CROT: variants seen among roughly 807,000 people sequenced by gnomAD.
The protein encoded by CROT is peroxisomal carnitine O-octanoyltransferase.
Under a neutral mutation model 89.2 loss-of-function variants are expected in CROT, and 84 were observed. That is an observed-to-expected ratio of 0.94 (90% CI 0.79 to 1.13). The LOEUF is 1.13. Ranked by LOEUF, CROT falls within the 50% of genes most tolerant of loss-of-function variation. The probability of loss-of-function intolerance (pLI) is 0.00; values close to 1 mark genes in which losing one functional copy is unlikely to be tolerated. For missense variants in CROT, 711 were observed against 727.8 expected, an observed-to-expected ratio of 0.98 and a Z score of 0.27; for synonymous variants, 212 against 239.5, an observed-to-expected ratio of 0.89 and a Z score of 1.06.
In CROT at chr7:87,375,559, A is replaced by G. The variant is rs1806782454; in HGVS notation, c.657-73A>G. ...AAACATTTAAATATTGATCAATGTTATGACCTTTTAAAGGCCAAAGTAGTT... is the reference window on the plus strand; with the variant it reads ...AAACATTTAAATATTGATCAATGTTGTGACCTTTTAAAGGCCAAAGTAGTT... On this transcript the variant is annotated intron_variant, in intron 7 of 17. Transcript: ENST00000331536. 3 of 1,015,472 alleles carry G rather than the reference A, an allele frequency of 3.0e-6. No individual in the cohort carries two copies. The Admixed American group carries it at 5.6e-5, about 19-fold the overall frequency. The allele number at this position is 1,015,472 out of a possible 1,614,324, so 62.9% of individuals were successfully genotyped here. A position where few individuals can be genotyped will look rare whatever the true frequency, so the allele number is the denominator to read the frequency against.
At chr7:87,369,974 T>C (rs1806579671) in intron 7 of CROT, among the ~76,000 whole-genome samples, 3 of 151,002 alleles carry the variant, frequency 2.0e-5, no homozygotes, top group African/African-American at 7.3e-5. Context: ...ACTTCAACAG[T>C]TACCAACTCC....
intron 3 of CROT, among the ~76,000 whole-genome samples, chr7:87,357,952 A>G (rs1806137102): frequency 1.3e-5 from 2 of 152,290 alleles, no homozygotes; most frequent in South Asian, 4.1e-4. Context: ...TGTTCACTCA[A>G]CTGTAAATAT....
chr7:87,355,911 CT>C (rs1393924138), intron 3 of CROT, among the ~76,000 whole-genome samples: 1 of 152,196 alleles, frequency 6.6e-6, no homozygotes, highest in Non-Finnish European at 1.5e-5. Flanking sequence ...AATCCAAAAA[CT>C]TAGGAAGCAA....
At chr7:87,348,954 C>T (rs1584615039) in intron 2 of CROT, 94 bp from the exon 3 acceptor site, 1 of 527,622 alleles carries the variant, frequency 1.9e-6, no homozygotes, top group East Asian at 3.1e-5. Flanking sequence ...GCTGTGGTCC[C>T]TAAATACTGG....
At chr7:87,383,057 A>G (rs1165252801) in intron 13 of CROT, among the ~76,000 whole-genome samples, 1 of 152,222 alleles carries the variant, frequency 6.6e-6, no homozygotes, top group East Asian at 1.9e-4. Flanking sequence ...GTAATGGTCA[A>G]ATCACGGTAA....
Position 87,357,420 on chromosome 7 carries a change from C to G in CROT, c.116-1786C>G, listed in dbSNP as rs1283021016. 2.6e-6 allele frequency: 4 copies of G among 1,528,852 alleles called. No homozygotes were observed. In the African/African-American group the frequency reaches 5.5e-5, roughly 21 times the overall value. The allele number at this position is 1,528,852 out of a possible 1,614,324, so 94.7% of individuals were successfully genotyped here. A position where few individuals can be genotyped will look rare whatever the true frequency, so the allele number is the denominator to read the frequency against. On this transcript the variant is annotated intron_variant, in intron 3 of 17. Transcript: ENST00000331536. Reference sequence around the variant, plus strand: ...TATTATCCTTGATAGGATGCCAAGACAGACCCCATTTATCAGAGGTGGCCA... The same window carrying G: ...TATTATCCTTGATAGGATGCCAAGAGAGACCCCATTTATCAGAGGTGGCCA...
chr7:87,394,268 C>T (rs1807455302), intron 17 of CROT, among the ~76,000 whole-genome samples: 1 of 152,186 alleles, frequency 6.6e-6, no homozygotes. Flanking sequence ...TAATGCTAAT[C>T]ATCTCTGCAG....
intron 7 of CROT, among the ~76,000 whole-genome samples, chr7:87,372,007 C>CAAAAAAAAAAAAAA (rs61300907): frequency 8.1e-6 from 1 of 123,998 alleles, no homozygotes. Context: ...AAAAAAAAAA[C>CAAAAAAAAAAAAAA]AAAAAAAAAA....
At chr7:87,369,633 T>G (rs1806564558) in intron 7 of CROT, 149 bp downstream of exon 7, 1 of 353,116 alleles carries the variant, frequency 2.8e-6, no homozygotes, top group African/African-American at 2.1e-5. Flanking sequence ...TATTTGTATT[T>G]TTTATTTAAA....
chr7:87,374,069 C>T (rs909437170), intron 7 of CROT, among the ~76,000 whole-genome samples: 9 of 151,754 alleles, frequency 5.9e-5, no homozygotes, highest in Non-Finnish European at 7.4e-5. Context: ...GAATGGAAAG[C>T]GATGAAGCAG....
At chr7:87,348,541 A>G (rs1161709536) in intron 2 of CROT, among the ~76,000 whole-genome samples, 3 of 152,188 alleles carry the variant, frequency 2.0e-5, no homozygotes, top group African/African-American at 7.2e-5. Flanking sequence ...TATACATCAA[A>G]TACTATCTAC....
chr7:87,364,866 G>A (rs1235057654), intron 6 of CROT, among the ~76,000 whole-genome samples: 5 of 152,084 alleles, frequency 3.3e-5, no homozygotes, highest in African/African-American at 1.2e-4. Flanking sequence ...AAGATGAGGA[G>A]GTACTTTTTA....
chr7:87,354,164 A>G (rs1424408792), intron 3 of CROT, among the ~76,000 whole-genome samples: 7 of 152,228 alleles, frequency 4.6e-5, no homozygotes, highest in Non-Finnish European at 8.8e-5. Flanking sequence ...TGATAATGAA[A>G]ATGCTTTAGA....
rs533080088 is a variant in CROT at position 87,398,825 on chromosome 7, G to A, written c.*181G>A. The A allele has an allele frequency of 2.4e-5, 15 of 613,538 alleles. No homozygotes were observed. Among genetic ancestry groups the A allele is most frequent in the African/African-American group, 2.0e-4 (11 of 53,842 alleles). The allele number at this position is 613,538 out of a possible 1,614,324, so 38.0% of individuals were successfully genotyped here. A position where few individuals can be genotyped will look rare whatever the true frequency, so the allele number is the denominator to read the frequency against. On this transcript the variant is annotated 3_prime_UTR_variant, in exon 18 of 18. Coordinates refer to ENST00000331536, the MANE Select transcript of CROT (RefSeq NM_021151.4). ...TCTCTAAATTTATTCTGCCATAGAAGGTAGAAATATTTTTAAGCTCCTCTG... is the reference window on the plus strand; with the variant it reads ...TCTCTAAATTTATTCTGCCATAGAAAGTAGAAATATTTTTAAGCTCCTCTG...
chr7:87,365,859 G>A (rs1366231229), intron 6 of CROT, among the ~76,000 whole-genome samples: 1 of 152,002 alleles, frequency 6.6e-6, no homozygotes, highest in Non-Finnish European at 1.5e-5. Context: ...GCCCGCCTCA[G>A]CCCCCAAAGT....
Position 87,345,684 on chromosome 7 carries a change from G to A in CROT, c.-196G>A, listed in dbSNP as rs1476790379. Reference sequence around the variant, plus strand: ...CCTTCAGTCCAATTCCCGCACCTTTGAGGCCCAAGGGGGAGCGAGCCGGTG... The same window carrying A: ...CCTTCAGTCCAATTCCCGCACCTTTAAGGCCCAAGGGGGAGCGAGCCGGTG... On this transcript the variant is annotated 5_prime_UTR_variant, in exon 1 of 18. Coordinates refer to ENST00000331536, the MANE Select transcript of CROT (RefSeq NM_021151.4). 5 of 381,040 alleles carry A rather than the reference G, an allele frequency of 1.3e-5. No individual in the cohort carries two copies. Among genetic ancestry groups the A allele is most frequent in the Non-Finnish European group, 2.3e-5 (5 of 215,554 alleles). The allele number at this position is 381,040 out of a possible 1,614,324, so 23.6% of individuals were successfully genotyped here.
chr7:87,347,840 T>G (rs1356775173), intron 2 of CROT, among the ~76,000 whole-genome samples: 1 of 152,048 alleles, frequency 6.6e-6, no homozygotes, highest in Admixed American at 6.6e-5. Flanking sequence ...GGAGGGAAAG[T>G]GCAGGGAGAA....
chr7:87,359,937 C>T, intron 4 of CROT: 2 of 983,490 alleles, frequency 2.0e-6, no homozygotes, highest in South Asian at 4.7e-5. Flanking sequence ...AAAGCATTGC[C>T]TTAGTCTAGA....
intron 13 of CROT, among the ~76,000 whole-genome samples, chr7:87,391,081 C>T (rs937223655): frequency 1.5e-4 from 23 of 152,230 alleles, no homozygotes; most frequent in African/African-American, 5.3e-4. Flanking sequence ...GCATTCAGTT[C>T]CTCCCTAGCT....
Sources: allele counts gnomAD v4.1 joint callset (sites outside exome capture counted in the v4.1 genomes callset), GRCh38; gene constraint gnomAD v4.1.1; transcripts MANE v1.5; gene names NCBI Gene and HGNC (gene_info 2026-07-23, HGNC 2026-07-21).